Variants in TRAPPC9 observed in about 807,000 individuals in gnomAD.
TRAPPC9 encodes IKK2 binding protein.
In TRAPPC9, 83 loss-of-function variants were observed where a neutral mutation model predicts 124.0. The observed-to-expected ratio is 0.67, with a 90% CI of 0.56 to 0.80. The LOEUF is 0.80. Ranked by LOEUF, TRAPPC9 falls within the 30% of genes least tolerant of loss-of-function variation. The pLI, the probability that TRAPPC9 is intolerant of heterozygous loss-of-function variation, is 0.00. For synonymous variants in TRAPPC9, 638 were observed against 617.5 expected, an observed-to-expected ratio of 1.03 and a Z score of -0.49; for missense variants, 1,302 against 1,508.3, an observed-to-expected ratio of 0.86 and a Z score of 2.27.
At chr8:139,910,976 T>C (rs1587180508) in intron 19 of TRAPPC9, among the ~76,000 whole-genome samples, 2 of 152,328 alleles carry the variant, frequency 1.3e-5, no homozygotes, top group Admixed American at 1.3e-4. Flanking sequence ...TGGGAGACCG[T>C]TGGGAAGGCA....
chr8:139,811,795 A>C (rs1438247730), intron 21 of TRAPPC9, among the ~76,000 whole-genome samples: 1 of 152,254 alleles, frequency 6.6e-6, no homozygotes, highest in Non-Finnish European at 1.5e-5. Context: ...ATTAAATTTG[A>C]GGGAGATTTA....
chr8:139,858,986 T>C (rs1827970725), intron 21 of TRAPPC9, among the ~76,000 whole-genome samples: 1 of 150,362 alleles, frequency 6.7e-6, no homozygotes, highest in South Asian at 2.2e-4. Flanking sequence ...GAGTTTCAGA[T>C]ATCTCTGAGA....
At chr8:140,144,949 C>T (rs1238115095) in intron 17 of TRAPPC9, among the ~76,000 whole-genome samples, 2 of 152,110 alleles carry the variant, frequency 1.3e-5, no homozygotes, top group Non-Finnish European at 2.9e-5. Flanking sequence ...TCTCTGCTCA[C>T]TGCAACCTCT....
chr8:139,758,135 G>A (rs1819978409), intron 21 of TRAPPC9, among the ~76,000 whole-genome samples: 1 of 152,196 alleles, frequency 6.6e-6, no homozygotes, highest in African/African-American at 2.4e-5. Context: ...GTGACAGCGG[G>A]GAGGCCAAGC....
chr8:140,340,894 TCACGAACAAATC>T (rs1341615926), intron 9 of TRAPPC9, among the ~76,000 whole-genome samples: 2 of 152,174 alleles, frequency 1.3e-5, no homozygotes, highest in African/African-American at 4.8e-5. Context: ...TCTTTGGAAG[TCACGAACAAATC>T]CACGTAACCA....
At chr8:140,220,328 G>A (rs1337577822) in intron 17 of TRAPPC9, among the ~76,000 whole-genome samples, 1 of 152,178 alleles carries the variant, frequency 6.6e-6, no homozygotes, top group Admixed American at 6.5e-5. Context: ...CTCCGTGCAT[G>A]TGCCGTGCAG....
chr8:140,219,465 G>A (rs905822293), intron 17 of TRAPPC9, among the ~76,000 whole-genome samples: 2 of 152,168 alleles, frequency 1.3e-5, no homozygotes, highest in Non-Finnish European at 2.9e-5. Flanking sequence ...CTTATGCCAG[G>A]TGTCTGAGGG....
intron 21 of TRAPPC9, among the ~76,000 whole-genome samples, chr8:139,762,749 C>T (rs1256555401): frequency 1.3e-5 from 2 of 152,202 alleles, no homozygotes; most frequent in East Asian, 1.9e-4. Flanking sequence ...AAACAGATGG[C>T]CAAGGTGCGG....
chr8:139,743,855 GC>G (rs1338692851), intron 21 of TRAPPC9, among the ~76,000 whole-genome samples: 5 of 152,106 alleles, frequency 3.3e-5, no homozygotes, highest in Non-Finnish European at 7.4e-5. Context: ...GCTACTCAAT[GC>G]CCCCCAGTCC....
At chr8:139,867,652 T>C (rs1481920166) in intron 21 of TRAPPC9, among the ~76,000 whole-genome samples, 1 of 152,220 alleles carries the variant, frequency 6.6e-6, no homozygotes, top group Non-Finnish European at 1.5e-5. Flanking sequence ...AGCCTCACTT[T>C]TGTGACATTC....
At chr8:140,071,110 A>G (rs1843138106) in intron 17 of TRAPPC9, among the ~76,000 whole-genome samples, 1 of 152,216 alleles carries the variant, frequency 6.6e-6, no homozygotes, top group South Asian at 2.1e-4. Flanking sequence ...TTTCCAGATG[A>G]AGAAATGGAG....
At chr8:139,988,105 C>CTTTTTTT (rs773534032) in intron 19 of TRAPPC9, among the ~76,000 whole-genome samples, 1 of 114,474 alleles carries the variant, frequency 8.7e-6, no homozygotes, top group African/African-American at 3.3e-5. Context: ...GATACCACCT[C>CTTTTTTT]TTTTTTTTTT....
intron 9 of TRAPPC9, among the ~76,000 whole-genome samples, chr8:140,349,934 C>T (rs1031810747): frequency 6.6e-6 from 1 of 152,192 alleles, no homozygotes; most frequent in Non-Finnish European, 1.5e-5. Context: ...GCTACACGGT[C>T]AGCAGATGAT....
intron 17 of TRAPPC9, among the ~76,000 whole-genome samples, chr8:140,135,118 A>T (rs2061277469): frequency 6.6e-6 from 1 of 152,226 alleles, no homozygotes; most frequent in South Asian, 2.1e-4. Flanking sequence ...CGATGAGATA[A>T]CACTTCCCAC....
chr8:139,956,251 C>A (rs896354602), intron 19 of TRAPPC9, among the ~76,000 whole-genome samples: 8 of 151,184 alleles, frequency 5.3e-5, no homozygotes, highest in Non-Finnish European at 1.0e-4. Flanking sequence ...AACCTCTGCC[C>A]CCCGGATTCA....
At chr8:140,191,455 A>G (rs1314822838) in intron 17 of TRAPPC9, among the ~76,000 whole-genome samples, 1 of 152,130 alleles carries the variant, frequency 6.6e-6, no homozygotes, top group Non-Finnish European at 1.5e-5. Context: ...TCCCTCCTGA[A>G]TGACTCGGCG....
intron 17 of TRAPPC9, among the ~76,000 whole-genome samples, chr8:140,142,461 G>A (rs2061397491): frequency 6.6e-6 from 1 of 152,250 alleles, no homozygotes; most frequent in Admixed American, 6.5e-5. Flanking sequence ...TGGCAGTGTG[G>A]CCCTGGCAGG....
chr8:139,860,193 C>T (rs1464262848), intron 21 of TRAPPC9, among the ~76,000 whole-genome samples: 2 of 152,160 alleles, frequency 1.3e-5, no homozygotes, highest in African/African-American at 4.8e-5. Context: ...TGTCAGTGAG[C>T]CTTAACCAAG....
At chr8:140,455,829 T>G (rs1461765177) in intron 1 of TRAPPC9, among the ~76,000 whole-genome samples, 1 of 152,192 alleles carries the variant, frequency 6.6e-6, no homozygotes, top group Non-Finnish European at 1.5e-5. Flanking sequence ...GGAATATTAT[T>G]CAGCCACAGA....
Sources: gnomAD v4.1 joint callset for allele counts (sites outside exome capture counted in the v4.1 genomes callset) on GRCh38, gnomAD v4.1.1 for gene constraint, MANE v1.5 for transcripts, NCBI Gene and HGNC (gene_info 2026-07-23, HGNC 2026-07-21) for gene names.